SCUBE1: variants seen among roughly 807,000 people sequenced by gnomAD.
SCUBE1 encodes the protein signal peptide, CUB and EGF-like domain-containing protein 1.
A neutral mutation model predicts 124.4 loss-of-function variants in SCUBE1; 59 were observed. That is an observed-to-expected ratio of 0.47 (90% CI 0.38 to 0.59). SCUBE1 has a LOEUF of 0.59. Ranked by LOEUF, SCUBE1 falls within the 20% of genes least tolerant of loss-of-function variation. The pLI, the probability that SCUBE1 is intolerant of heterozygous loss-of-function variation, is 0.00. For missense variants in SCUBE1, 1,150 were observed against 1,371.2 expected, an observed-to-expected ratio of 0.84 and a Z score of 2.55; for synonymous variants, 545 against 550.9, an observed-to-expected ratio of 0.99 and a Z score of 0.15.
chr22:43,247,461 A>G (rs1157425270), intron 6 of SCUBE1, among the ~76,000 whole-genome samples: 1 of 152,196 alleles, frequency 6.6e-6, no homozygotes, highest in Admixed American at 6.5e-5. Context: ...CTCTGCTCTA[A>G]GAACAAATGC....
intron 1 of SCUBE1, among the ~76,000 whole-genome samples, chr22:43,340,569 C>A (rs947590684): frequency 3.3e-5 from 5 of 151,582 alleles, no homozygotes; most frequent in Non-Finnish European, 7.4e-5. Context: ...TCTTGTCGGG[C>A]ACAGTTCAGC....
At chr22:43,319,693 G>A (rs1926477161) in intron 3 of SCUBE1, among the ~76,000 whole-genome samples, 1 of 151,980 alleles carries the variant, frequency 6.6e-6, no homozygotes, top group South Asian at 2.1e-4. Context: ...ACAGAGGAGC[G>A]GGCCCTCCGA....
intron 11 of SCUBE1, 133 bp downstream of exon 11, chr22:43,222,964 G>A: frequency 9.3e-6 from 12 of 1,287,778 alleles, no homozygotes; most frequent in Non-Finnish European, 1.3e-5. Flanking sequence ...GCTGCCTTAG[G>A]GTCACTCAGT....
chr22:43,221,244 C>T lies in SCUBE1; in HGVS notation c.1478G>A (p.Arg493Gln), dbSNP rs369892089. The change falls in exon 13 of 22, where the codon CGA (arginine) becomes CAA (glutamine). Residue 493 changes from arginine (R) to glutamine (Q), a missense_variant. Arg to Gln is a conservative substitution (Grantham distance 43, BLOSUM62 1). This residue lies in a region of SCUBE1 where 757 missense variants were observed against 840.9 expected (regional missense o/e 0.90). Coordinates refer to ENST00000360835, the MANE Select transcript of SCUBE1 (RefSeq NM_173050.5). ...PIKQKARFKI[R>Q]DAKCHLRPHS... Reference sequence around the variant, plus strand: ...GGGCCGGAGGTGGCACTTGGCATCTCGGATCTTGAAGCGGGCCTTCTGTTT... The same window carrying T: ...GGGCCGGAGGTGGCACTTGGCATCTTGGATCTTGAAGCGGGCCTTCTGTTT... The T allele has an allele frequency of 1.7e-5, 28 of 1,611,206 alleles. No homozygotes were observed. Among genetic ancestry groups the T allele is most frequent in the Admixed American group, 3.3e-5 (2 of 59,942 alleles).
At position 43,211,232 on chromosome 22, in the gene SCUBE1, C is replaced by T. The variant is rs1601796580; in HGVS notation, c.2222-149G>A. 1 of 755,388 alleles carries T rather than the reference C, an allele frequency of 1.3e-6. No individual in the cohort carries two copies. The highest frequency in any genetic ancestry group is 2.1e-6 in the Non-Finnish European group (1 of 466,956). 46.8% of individuals were successfully genotyped at this position (755,388 alleles called of 1,614,324 possible). ...CTCCCCACCGCCCCATGACCTCCCA[C>T]CACCCTCACTCCGCCATGGCCAGGA... On this transcript the variant is annotated intron_variant, in intron 17 of 21. Transcript: ENST00000360835. The surrounding 1 kb of genome is among the most constrained non-coding windows in gnomAD (Gnocchi z 4.5).
intron 15 of SCUBE1, 99 bp from the exon 16 acceptor site, chr22:43,214,350 C>T (rs1367793151): frequency 1.2e-5 from 16 of 1,281,526 alleles, no homozygotes; most frequent in Non-Finnish European, 1.6e-5. Flanking sequence ...AGACACAGTC[C>T]TTGTCCCCTG....
chr22:43,218,361 A>G lies in SCUBE1; in HGVS notation c.1785T>C (p.Tyr595=), dbSNP rs927986228. The part of the protein sequence containing the change: ...LRKSIGRQQF[Y]VQVSGTEYEV... Reference sequence around the variant, plus strand: ...CGTACTCAGTGCCTGAGACCTGGACATAGAACTGCTGCCGGCCGATGGACT... The same window carrying G: ...CGTACTCAGTGCCTGAGACCTGGACGTAGAACTGCTGCCGGCCGATGGACT... The change falls in exon 15 of 22, where the codon TAT becomes TAC. Residue 595 remains tyrosine, a synonymous_variant. Coordinates refer to ENST00000360835, the MANE Select transcript of SCUBE1 (RefSeq NM_173050.5). 4 of 1,613,366 alleles carry G rather than the reference A, an allele frequency of 2.5e-6. No individual in the cohort carries two copies. Among genetic ancestry groups the G allele is most frequent in the African/African-American group, 1.3e-5 (1 of 74,950 alleles).
At chr22:43,256,742 T>G (rs191588246) in intron 6 of SCUBE1, among the ~76,000 whole-genome samples, 1 of 151,942 alleles carries the variant, frequency 6.6e-6, no homozygotes, top group African/African-American at 2.4e-5. Flanking sequence ...CCAAGAGAGG[T>G]GGCAAACCCT....
chr22:43,247,987 T>G (rs948810424), intron 6 of SCUBE1, among the ~76,000 whole-genome samples: 7 of 152,306 alleles, frequency 4.6e-5, no homozygotes, highest in African/African-American at 1.7e-4. Context: ...GGGGCCCACT[T>G]AGACCAGCGG....
chr22:43,307,318 G>T (rs1380376502), intron 3 of SCUBE1, among the ~76,000 whole-genome samples: 1 of 152,216 alleles, frequency 6.6e-6, no homozygotes, highest in African/African-American at 2.4e-5. Context: ...CAAACTAAGC[G>T]TTCATCAGGA....
At chr22:43,299,620 T>C (rs562163568) in intron 3 of SCUBE1, among the ~76,000 whole-genome samples, 1 of 152,266 alleles carries the variant, frequency 6.6e-6, no homozygotes, top group South Asian at 2.1e-4. Context: ...ATTTCTCCAA[T>C]CCCGTTTCTG....
chr22:43,216,641 A>C (rs1921823678), intron 15 of SCUBE1, among the ~76,000 whole-genome samples: 1 of 151,870 alleles, frequency 6.6e-6, no homozygotes, highest in Non-Finnish European at 1.5e-5. Flanking sequence ...ACAGAGCGAG[A>C]CTCTGTCTCA....
chr22:43,282,687 GCTT>G (rs1480606138), intron 4 of SCUBE1: 2 of 149,252 alleles, frequency 1.3e-5, no homozygotes, highest in Non-Finnish European at 2.9e-5. Flanking sequence ...GCTCTTGCAG[GCTT>G]CTTTTTTTTT....
At chr22:43,321,984 T>A (rs956347953) in intron 2 of SCUBE1, among the ~76,000 whole-genome samples, 14 of 152,266 alleles carry the variant, frequency 9.2e-5, no homozygotes, top group African/African-American at 2.9e-4. Context: ...GATTTTATTT[T>A]ATTTATTTAT....
chr22:43,266,257 G>A (rs1012250567), intron 4 of SCUBE1, among the ~76,000 whole-genome samples: 34 of 152,182 alleles, frequency 2.2e-4, no homozygotes, highest in African/African-American at 8.0e-4. Context: ...GCTGGAGTCT[G>A]CTCAGCTTGA....
rs1926503386 is a variant in SCUBE1 at position 43,320,380 on chromosome 22, T to C, written c.221-315A>G. Among the ~76,000 whole-genome samples the C allele has an allele frequency of 2.0e-5, 3 of 152,190 alleles. No individual in the cohort carries two copies. In the South Asian group the frequency reaches 6.2e-4, roughly 32 times the overall value. The stretch of plus-strand genomic sequence containing the variant: ...AAATTAACTGCACATCCCCAAGAAG[T>C]GTAATCTCTGGAATGAAAGAAAAGT... On this transcript the variant is annotated intron_variant, in intron 2 of 21. Transcript: ENST00000360835.
chr22:43,210,838 T>G lies in SCUBE1; in HGVS notation c.2383+84A>C. The G allele has an allele frequency of 3.5e-4, 523 of 1,477,318 alleles. No homozygotes were observed. The highest frequency in any genetic ancestry group is 4.5e-4 in the Non-Finnish European group (476 of 1,065,336). The allele number at this position is 1,477,318 out of a possible 1,614,324, so 91.5% of individuals were successfully genotyped here. A position where few individuals can be genotyped will look rare whatever the true frequency, so the allele number is the denominator to read the frequency against. ...GTCCAGTGTCCTCGTGGAGCTCGTGTGAGATCAGGTCTCCTCCCGCCCCCA... is the reference window on the plus strand; with the variant it reads ...GTCCAGTGTCCTCGTGGAGCTCGTGGGAGATCAGGTCTCCTCCCGCCCCCA... On this transcript the variant is annotated intron_variant, in intron 18 of 21. Transcript: ENST00000360835. The surrounding 1 kb of genome is among the most constrained non-coding windows in gnomAD (Gnocchi z 4.5).
At chr22:43,274,808 C>T (rs554989264) in intron 4 of SCUBE1, among the ~76,000 whole-genome samples, 5 of 152,224 alleles carry the variant, frequency 3.3e-5, no homozygotes, top group Non-Finnish European at 7.3e-5. Flanking sequence ...GGAGTCCCGG[C>T]TGCGTCACAA....
chr22:43,271,927 T>G (rs1302512705), intron 4 of SCUBE1, among the ~76,000 whole-genome samples: 2 of 152,168 alleles, frequency 1.3e-5, no homozygotes, highest in Admixed American at 1.3e-4. Flanking sequence ...CAGGTGAGGA[T>G]GCTGAGGCTT....
Sources: gnomAD v4.1 joint callset for allele counts (sites outside exome capture counted in the v4.1 genomes callset) on GRCh38, gnomAD v4.1.1 for gene constraint, gnomAD v4.1.1 regional missense constraint, Gnocchi (gnomAD v3.1) non-coding constraint, MANE v1.5 for transcripts, NCBI Gene and HGNC (gene_info 2026-07-23, HGNC 2026-07-21) for gene names.